The following FRMD5 variants were observed in gnomAD, a reference collection of about 807,000 sequenced individuals.
FRMD5 encodes FERM domain containing 5.
A neutral mutation model predicts 69.0 loss-of-function variants in FRMD5; 20 were observed. The observed-to-expected ratio is 0.29, with a 90% CI of 0.20 to 0.42. FRMD5 has a LOEUF of 0.42. Among genes scored for constraint, FRMD5 ranks in the 10% least tolerant of loss-of-function variants. FRMD5 has a pLI of 1.00. For missense variants in FRMD5, 595 were observed against 708.6 expected (o/e 0.84, Z 1.82); for synonymous variants, 271 against 260.1 (o/e 1.04, Z -0.40).
At chr15:43,937,372 G>C (rs71478312) in intron 1 of FRMD5, among the ~76,000 whole-genome samples, 9,773 of 152,262 alleles carry the variant, frequency 0.064, 452 homozygotes, top group Non-Finnish European at 0.098. Context: ...CTTCGGCCAG[G>C]CGTGGAGGCT....
intron 1 of FRMD5, among the ~76,000 whole-genome samples, chr15:43,991,415 G>A (rs1284649613): frequency 6.6e-6 from 1 of 152,196 alleles, no homozygotes; most frequent in South Asian, 2.1e-4. Flanking sequence ...CCATACACAT[G>A]AGCCCTGAAT....
chr15:44,056,620 G>GA (rs963445788), intron 1 of FRMD5, among the ~76,000 whole-genome samples: 3 of 151,912 alleles, frequency 2.0e-5, no homozygotes, highest in Admixed American at 6.6e-5. Flanking sequence ...ATAGCAGTGT[G>GA]AAAAAATGTC....
In FRMD5 at chr15:43,906,801, C is replaced by T. The variant is rs923248175; in HGVS notation, c.428-850G>A. ...TATTTTTAGTAGAGACGGGGTTTCA[C>T]CGTGTTAGCCAGGATGGTCTCGATC... On this transcript the variant is annotated intron_variant, in intron 5 of 13. Transcript: ENST00000417257. Among the ~76,000 whole-genome samples, 8 of 142,736 alleles carry T rather than the reference C, an allele frequency of 5.6e-5. 1 individual carries two copies. Among genetic ancestry groups the T allele is most frequent in the African/African-American group, 2.1e-4 (7 of 32,928 alleles). The allele number at this position is 142,736 out of a possible 152,430, so 93.6% of individuals were successfully genotyped here. A position where few individuals can be genotyped will look rare whatever the true frequency, so the allele number is the denominator to read the frequency against.
At chr15:43,972,811 G>C (rs570937695) in intron 1 of FRMD5, among the ~76,000 whole-genome samples, 11 of 152,298 alleles carry the variant, frequency 7.2e-5, no homozygotes, top group Non-Finnish European at 1.3e-4. Context: ...GTAACTTCTA[G>C]TGTGCAACTT....
chr15:44,034,114 C>T (rs1891807948), intron 1 of FRMD5, among the ~76,000 whole-genome samples: 1 of 152,174 alleles, frequency 6.6e-6, no homozygotes, highest in African/African-American at 2.4e-5. Flanking sequence ...GAAACTGTTA[C>T]TCTTGTTTCC....
rs1315428349 is a variant in FRMD5 at position 44,044,080 on chromosome 15, A to T, written c.103-119771T>A. On this transcript the variant is annotated intron_variant, in intron 1 of 13. Coordinates refer to ENST00000417257, the MANE Select transcript of FRMD5 (RefSeq NM_032892.5). ...CAAAGAACTTAAACAAATTTACAAT[A>T]AAAAAAAACCCCATCAAAAAGTGGG... 4.0e-5 allele frequency among the ~76,000 whole-genome samples: 6 copies of T among 149,938 alleles called. No homozygotes were observed. The South Asian group carries it at 6.3e-4, about 16-fold the overall frequency.
At chr15:43,979,335 C>CA (rs34106212) in intron 1 of FRMD5, among the ~76,000 whole-genome samples, 20,433 of 126,638 alleles carry the variant, frequency 0.16, 2,919 homozygotes, top group African/African-American at 0.4. Context: ...AACTCTGTCT[C>CA]AAAAAAAAAA....
Position 43,997,393 on chromosome 15 carries a change from G to A in FRMD5, c.103-73084C>T, listed in dbSNP as rs138483242. ...TTTTTGACTCTAGGGAACAAAAACGGATCAAGCTCAAAAGAAATTCCCCAT... is the reference window on the plus strand; with the variant it reads ...TTTTTGACTCTAGGGAACAAAAACGAATCAAGCTCAAAAGAAATTCCCCAT... On this transcript the variant is annotated intron_variant, in intron 1 of 13. Transcript: ENST00000417257. 2.2e-3 allele frequency among the ~76,000 whole-genome samples: 328 copies of A among 152,268 alleles called. 2 individuals carry two copies. Among genetic ancestry groups the A allele is most frequent in the African/African-American group, 7.5e-3 (310 of 41,548 alleles).
rs2088235746 is a variant in FRMD5 at position 43,873,883 on chromosome 15, T to C, written c.*2A>G. ...CTAGTTTTTGGGAGGAGTCATGCCT[T>C]CTCAGGTGTCAATGAGCAGGCTCAC... On this transcript the variant is annotated 3_prime_UTR_variant, in exon 14 of 14. Coordinates refer to ENST00000417257, the MANE Select transcript of FRMD5 (RefSeq NM_032892.5). 1.2e-6 allele frequency: 2 copies of C among 1,613,422 alleles called. No individual in the cohort carries two copies. The highest frequency in any genetic ancestry group is 2.2e-5 in the East Asian group (1 of 44,850).
At position 43,956,776 on chromosome 15, in the gene FRMD5, T is replaced by C. The variant is rs563054650; in HGVS notation, c.103-32467A>G. 6.2e-4 allele frequency among the ~76,000 whole-genome samples: 95 copies of C among 152,226 alleles called. No individual in the cohort carries two copies. In the South Asian group the frequency reaches 0.017, roughly 28 times the overall value. ...ATCCAGAAAGGCTGGAAATGATGAG[T>C]TCATGAATTTCAGAAGAAGTAAAGC... On this transcript the variant is annotated intron_variant, in intron 1 of 13. Coordinates refer to ENST00000417257, the MANE Select transcript of FRMD5 (RefSeq NM_032892.5).
At chr15:44,140,045 CTG>C (rs1399911355) in intron 1 of FRMD5, among the ~76,000 whole-genome samples, 2 of 151,912 alleles carry the variant, frequency 1.3e-5, no homozygotes, top group Non-Finnish European at 2.9e-5. Context: ...CAATACATGT[CTG>C]TGTCTATGTA....
chr15:43,888,718 GC>G, intron 9 of FRMD5, 90 bp downstream of exon 9: 1 of 1,049,868 alleles, frequency 9.5e-7, no homozygotes, highest in Non-Finnish European at 1.5e-6. Context: ...GGGTAGCTTG[GC>G]TCTACTGGGG....
intron 1 of FRMD5, among the ~76,000 whole-genome samples, chr15:43,994,131 C>G (rs1184064449): frequency 2.0e-5 from 3 of 152,090 alleles, no homozygotes; most frequent in Non-Finnish European, 4.4e-5. Context: ...TAGTTGTTTT[C>G]TGATTGTTTT....
chr15:44,142,719 C>A (rs2077292125), intron 1 of FRMD5, among the ~76,000 whole-genome samples: 1 of 152,128 alleles, frequency 6.6e-6, no homozygotes, highest in Admixed American at 6.6e-5. Context: ...AGTTCAAAAA[C>A]ATTACTTTGA....
At chr15:44,170,183 T>C (rs1260861686) in intron 1 of FRMD5, among the ~76,000 whole-genome samples, 1 of 152,152 alleles carries the variant, frequency 6.6e-6, no homozygotes, top group African/African-American at 2.4e-5. Context: ...CTCGAGTGGC[T>C]GGGACTACAG....
chr15:44,117,470 G>T (rs2076885532), intron 1 of FRMD5, among the ~76,000 whole-genome samples: 2 of 152,172 alleles, frequency 1.3e-5, no homozygotes, highest in African/African-American at 2.4e-5. Flanking sequence ...AATCAGATTG[G>T]GGTAGCGGAA....
rs556171251 is a variant in FRMD5, at chr15:44,080,747, G to A, written c.102+114206C>T. Among the ~76,000 whole-genome samples the A allele has an allele frequency of 2.0e-3, 302 of 152,154 alleles. 1 individual carries two copies. The highest frequency in any genetic ancestry group is 0.016 in the South Asian group (78 of 4,822). ...CAGCATTAGCACATCATTTTTAACA[G>A]AACAGGTAGGTCTTCAATAAATTTT... On this transcript the variant is annotated intron_variant, in intron 1 of 13. Coordinates refer to ENST00000417257, the MANE Select transcript of FRMD5 (RefSeq NM_032892.5).
intron 1 of FRMD5, among the ~76,000 whole-genome samples, chr15:44,167,325 A>G (rs1034484296): frequency 1.3e-5 from 2 of 151,578 alleles, no homozygotes; most frequent in Non-Finnish European, 2.9e-5. Context: ...CCAAGATCGC[A>G]TCACTGCACA....
At chr15:43,918,112 T>C (rs550320582) in intron 4 of FRMD5, among the ~76,000 whole-genome samples, 1 of 152,218 alleles carries the variant, frequency 6.6e-6, no homozygotes, top group African/African-American at 2.4e-5. Context: ...TCACCTGGCA[T>C]GCTCTTTAGA....
Sources: allele counts gnomAD v4.1 joint callset (sites outside exome capture counted in the v4.1 genomes callset), GRCh38; gene constraint gnomAD v4.1.1; transcripts MANE v1.5; gene names NCBI Gene and HGNC (gene_info 2026-07-23, HGNC 2026-07-21).